Variants in RAB6A observed in about 807,000 individuals in gnomAD.
RAB6A encodes RAB6A, member RAS oncogene family.
In RAB6A, 8 loss-of-function variants were observed where a neutral mutation model predicts 32.3. The ratio of observed to expected loss-of-function variants is 0.25; its 90% CI spans 0.15 to 0.45. RAB6A has a LOEUF of 0.45. Ranked by LOEUF, RAB6A falls within the 20% of genes least tolerant of loss-of-function variation. The pLI is 1.00. For synonymous variants in RAB6A, 73 were observed against 82.1 expected, an observed-to-expected ratio of 0.89 and a Z score of 0.60; for missense variants, 104 against 249.4, an observed-to-expected ratio of 0.42 and a Z score of 3.93.
At chr11:73,751,406 C>T (rs962990919) in intron 1 of RAB6A, among the ~76,000 whole-genome samples, 2 of 152,094 alleles carry the variant, frequency 1.3e-5, no homozygotes, top group African/African-American at 4.8e-5. Flanking sequence ...ACCTAAAAGA[C>T]TCAATAATGA....
At chr11:73,730,668 T>C (rs746131928) in intron 2 of RAB6A, 97 bp downstream of exon 2, 2 of 971,252 alleles carry the variant, frequency 2.1e-6, no homozygotes, top group African/African-American at 3.3e-5. Context: ...AAAGTACTTT[T>C]ACATCCACAA....
chr11:73,746,921 G>A (rs960192980), intron 1 of RAB6A, among the ~76,000 whole-genome samples: 3 of 152,066 alleles, frequency 2.0e-5, no homozygotes, highest in Admixed American at 6.6e-5. Context: ...AGTAGTACAC[G>A]TAGTAGGACT....
intron 5 of RAB6A, among the ~76,000 whole-genome samples, chr11:73,715,327 T>C (rs925959211): frequency 7.9e-5 from 12 of 152,150 alleles, no homozygotes; most frequent in Admixed American, 3.3e-4. Flanking sequence ...GATTTCACCA[T>C]CTTGGCCAGG....
intron 2 of RAB6A, among the ~76,000 whole-genome samples, chr11:73,728,279 T>C (rs1354093451): frequency 1.3e-5 from 2 of 152,242 alleles, no homozygotes; most frequent in Non-Finnish European, 2.9e-5. Flanking sequence ...GTATATAAGA[T>C]GTGGCATTTT....
At chr11:73,694,122 G>C (rs987108799) in intron 6 of RAB6A, among the ~76,000 whole-genome samples, 3 of 152,086 alleles carry the variant, frequency 2.0e-5, no homozygotes, top group African/African-American at 7.3e-5. Context: ...TGTGGGGTGG[G>C]GCTGAGCCAT....
intron 6 of RAB6A, among the ~76,000 whole-genome samples, chr11:73,688,984 G>A (rs1945502645): frequency 6.6e-6 from 1 of 152,136 alleles, no homozygotes; most frequent in Non-Finnish European, 1.5e-5. Flanking sequence ...TTAGCCAGGT[G>A]TGGTGGTAGG....
chr11:73,722,305 G>GTGTA (rs1238666420), intron 2 of RAB6A: 32 of 42,354 alleles, frequency 7.6e-4, no homozygotes, highest in East Asian at 1.1e-3. Flanking sequence ...ATGTGTGTGT[G>GTGTA]TATATATATA....
intron 6 of RAB6A, among the ~76,000 whole-genome samples, chr11:73,700,609 T>TGTGG (rs1182408346): frequency 7.0e-5 from 2 of 28,630 alleles, no homozygotes; most frequent in Admixed American, 6.0e-4. Flanking sequence ...AGTGTGTGTG[T>TGTGG]GGGGGGGGGG....
intron 6 of RAB6A, among the ~76,000 whole-genome samples, chr11:73,691,868 G>A (rs745358443): frequency 1.6e-4 from 25 of 152,140 alleles, no homozygotes; most frequent in Non-Finnish European, 3.4e-4. Flanking sequence ...AGCTACTAGG[G>A]AGGCTGAGGC....
chr11:73,738,410 G>A (rs997913400), intron 1 of RAB6A, among the ~76,000 whole-genome samples: 1 of 152,168 alleles, frequency 6.6e-6, no homozygotes, highest in Non-Finnish European at 1.5e-5. Flanking sequence ...AGATACTCGG[G>A]AAGCTGAAAC....
At chr11:73,731,902 G>A (rs141688597) in intron 1 of RAB6A, among the ~76,000 whole-genome samples, 44 of 150,512 alleles carry the variant, frequency 2.9e-4, no homozygotes, top group African/African-American at 9.5e-4. Context: ...CCACCATGCC[G>A]AGCTAATTTT....
intron 1 of RAB6A, among the ~76,000 whole-genome samples, chr11:73,757,776 T>C (rs550948059): frequency 6.6e-6 from 1 of 152,178 alleles, no homozygotes; most frequent in Non-Finnish European, 1.5e-5. Context: ...AAACTATCAA[T>C]TGCGTAACCA....
At chr11:73,735,288 A>G (rs1946376652) in intron 1 of RAB6A, among the ~76,000 whole-genome samples, 2 of 152,212 alleles carry the variant, frequency 1.3e-5, no homozygotes, top group African/African-American at 4.8e-5. Flanking sequence ...GATAGGGCTC[A>G]ATCTTTGAAA....
At chr11:73,720,341 T>C (rs1946115906) in intron 3 of RAB6A, among the ~76,000 whole-genome samples, 1 of 151,762 alleles carries the variant, frequency 6.6e-6, no homozygotes, top group African/African-American at 2.4e-5. Context: ...CCACCACGCC[T>C]GGCTAATTTT....
At chr11:73,730,663 A>C (rs752597356) in intron 2 of RAB6A, 102 bp downstream of exon 2, 2 of 895,678 alleles carry the variant, frequency 2.2e-6, no homozygotes, top group Admixed American at 2.3e-5. Context: ...TATAGAAAGT[A>C]CTTTTACATC....
chr11:73,713,355 G>A (rs997078704), intron 5 of RAB6A, among the ~76,000 whole-genome samples: 3 of 152,180 alleles, frequency 2.0e-5, no homozygotes, highest in Non-Finnish European at 4.4e-5. Flanking sequence ...TGGATCACGA[G>A]GTCAGGAGAT....
At chr11:73,734,235 C>T (rs1377160249) in intron 1 of RAB6A, among the ~76,000 whole-genome samples, 1 of 152,214 alleles carries the variant, frequency 6.6e-6, no homozygotes, top group East Asian at 1.9e-4. Context: ...AAGCGATTCT[C>T]CTGCCTCAGC....
intron 6 of RAB6A, among the ~76,000 whole-genome samples, chr11:73,694,135 G>A (rs1945620466): frequency 6.6e-6 from 1 of 152,142 alleles, no homozygotes; most frequent in South Asian, 2.1e-4. Flanking sequence ...TGAGCCATTC[G>A]TGTTTTATTC....
intron 1 of RAB6A, among the ~76,000 whole-genome samples, chr11:73,756,070 T>C (rs192745706): frequency 9.2e-4 from 140 of 152,098 alleles, no homozygotes; most frequent in African/African-American, 2.9e-3. Context: ...TGTTCAGTAC[T>C]GGCCAGGCGT....
Sources: allele counts gnomAD v4.1 joint callset (sites outside exome capture counted in the v4.1 genomes callset), GRCh38; gene constraint gnomAD v4.1.1; transcripts MANE v1.5; gene names NCBI Gene and HGNC (gene_info 2026-07-23, HGNC 2026-07-21).